MKLN1: variants seen among roughly 807,000 people sequenced by gnomAD.
MKLN1 encodes the protein muskelin 1.
In MKLN1, 18 loss-of-function variants were observed where a neutral mutation model predicts 99.0. The observed-to-expected ratio is 0.18, with a 90% confidence interval of 0.13 to 0.27. The LOEUF is 0.27. Ranked by LOEUF, MKLN1 falls within the 10% of genes least tolerant of loss-of-function variation. The pLI is 1.00. For missense variants in MKLN1, 621 were observed against 875.9 expected (o/e 0.71, Z 3.67); for synonymous variants, 288 against 293.2 (o/e 0.98, Z 0.18).
At chr7:131,112,489 C>T (rs1795215990) in intron 1 of MKLN1, among the ~76,000 whole-genome samples, 1 of 152,206 alleles carries the variant, frequency 6.6e-6, no homozygotes, top group Non-Finnish European at 1.5e-5. Flanking sequence ...TACTTAGTCT[C>T]TCCCTGCCTC....
intron 3 of MKLN1, among the ~76,000 whole-genome samples, chr7:131,270,169 G>T (rs541296825): frequency 6.6e-6 from 1 of 151,910 alleles, no homozygotes; most frequent in Non-Finnish European, 1.5e-5. Context: ...TGATCCACCC[G>T]CCTCGGCCTC....
chr7:131,437,744 C>G, intron 9 of MKLN1, 41 bp from the exon 10 acceptor site: 1 of 1,413,730 alleles, frequency 7.1e-7, no homozygotes, highest in South Asian at 1.2e-5. Context: ...TTTTTTTGCT[C>G]TTTATTTGTT....
intron 8 of MKLN1, among the ~76,000 whole-genome samples, chr7:131,418,192 A>T (rs1795079841): frequency 6.6e-6 from 1 of 151,826 alleles, no homozygotes; most frequent in African/African-American, 2.4e-5. Context: ...AACATGGTAA[A>T]ACCCCATCTC....
At chr7:131,376,391 C>T (rs1793666602) in intron 2 of MKLN1, among the ~76,000 whole-genome samples, 3 of 148,258 alleles carry the variant, frequency 2.0e-5, no homozygotes, top group Admixed American at 2.0e-4. Context: ...TGCGTGTAAT[C>T]CCAGCACTTT....
At chr7:131,199,352 G>A (rs1017504897) in intron 2 of MKLN1, among the ~76,000 whole-genome samples, 8 of 151,498 alleles carry the variant, frequency 5.3e-5, no homozygotes, top group African/African-American at 1.9e-4. Context: ...CGAAATCCTG[G>A]GCTCAAGCAA....
rs1475335280 is a variant in MKLN1 at position 131,143,539 on chromosome 7, T to C, written c.-297+598T>C. Reference sequence around the variant, plus strand: ...GTGACTTCACATAGAGAAAAGTGGATTTTTGGCTGGGCACAGTAGCTCATG... The same window carrying C: ...GTGACTTCACATAGAGAAAAGTGGACTTTTGGCTGGGCACAGTAGCTCATG... On this transcript the variant is annotated intron_variant, in intron 2 of 7. Transcript: ENST00000416992. Among the ~76,000 whole-genome samples the C allele has an allele frequency of 3.3e-5, 5 of 152,258 alleles. 1 individual carries two copies. The South Asian group carries it at 1.0e-3, about 32-fold the overall frequency.
At chr7:131,224,916 A>AC (rs1368594117) in intron 3 of MKLN1, among the ~76,000 whole-genome samples, 2 of 151,920 alleles carry the variant, frequency 1.3e-5, no homozygotes, top group African/African-American at 4.8e-5. Flanking sequence ...TACTAAAAAT[A>AC]CAAAAAATTA....
intron 12 of MKLN1, among the ~76,000 whole-genome samples, chr7:131,451,001 C>T (rs1434957077): frequency 6.6e-6 from 1 of 152,222 alleles, no homozygotes; most frequent in African/African-American, 2.4e-5. Context: ...CTAAATTAGA[C>T]TGTTCAGAAA....
At chr7:131,335,257 A>G (rs945207517) in intron 1 of MKLN1, among the ~76,000 whole-genome samples, 1 of 152,214 alleles carries the variant, frequency 6.6e-6, no homozygotes, top group Non-Finnish European at 1.5e-5. Flanking sequence ...AAAATCTGTG[A>G]AGTCAAAGTA....
At chr7:131,354,268 C>T (rs1272391807) in intron 1 of MKLN1, among the ~76,000 whole-genome samples, 2 of 151,660 alleles carry the variant, frequency 1.3e-5, no homozygotes, top group African/African-American at 2.4e-5. Context: ...CACAATATGT[C>T]TTCCATTTAT....
intron 4 of MKLN1, among the ~76,000 whole-genome samples, chr7:131,396,546 A>G (rs1038762809): frequency 3.3e-5 from 5 of 152,166 alleles, no homozygotes; most frequent in Non-Finnish European, 7.3e-5. Context: ...GTATTTTCCC[A>G]GTAGGTTTAA....
At chr7:131,167,624 A>G (rs1313325884) in intron 2 of MKLN1, among the ~76,000 whole-genome samples, 1 of 150,776 alleles carries the variant, frequency 6.6e-6, no homozygotes, top group Non-Finnish European at 1.5e-5. Context: ...GTGAGCTGTT[A>G]TGGGACCACT....
Position 131,388,985 on chromosome 7 carries a change from CA to C in MKLN1, c.400+14del. The C allele has an allele frequency of 6.4e-7, 1 of 1,556,398 alleles. No individual in the cohort carries two copies. The highest frequency in any genetic ancestry group is 1.1e-5 in the South Asian group (1 of 87,024). On this transcript the variant is annotated intron_variant, in intron 4 of 17. Coordinates refer to ENST00000352689, the MANE Select transcript of MKLN1 (RefSeq NM_013255.5). Reference sequence around the variant, plus strand: ...TTCATTAAAATAGGTAAGATTTTAGCATTCTGAAATAGAAACAAATTCTTGA... The same window carrying C: ...TTCATTAAAATAGGTAAGATTTTAGCTTCTGAAATAGAAACAAATTCTTGA...
chr7:131,389,039 T>A, intron 4 of MKLN1, 67 bp downstream of exon 4: 1 of 1,003,562 alleles, frequency 1.0e-6, no homozygotes, highest in Non-Finnish European at 1.5e-6. Context: ...CTATAGCCCA[T>A]AGACCAAATC....
At chr7:131,368,208 A>G (rs1211409050) in intron 1 of MKLN1, among the ~76,000 whole-genome samples, 1 of 152,222 alleles carries the variant, frequency 6.6e-6, no homozygotes, top group African/African-American at 2.4e-5. Context: ...CATAGGAGGA[A>G]GAATTAAAAA....
At chr7:131,468,166 G>T (rs943473607) in intron 15 of MKLN1, among the ~76,000 whole-genome samples, 1 of 152,204 alleles carries the variant, frequency 6.6e-6, no homozygotes, top group Non-Finnish European at 1.5e-5. Flanking sequence ...TTTCTTGATG[G>T]ATTTGATATG....
chr7:131,386,203 G>A (rs1338040864), intron 2 of MKLN1, among the ~76,000 whole-genome samples: 1 of 151,984 alleles, frequency 6.6e-6, no homozygotes, highest in African/African-American at 2.4e-5. Context: ...TAGTAAAAAC[G>A]GGGTTTCACC....
intron 3 of MKLN1, among the ~76,000 whole-genome samples, chr7:131,215,799 C>A (rs1271969927): frequency 6.6e-6 from 1 of 152,128 alleles, no homozygotes; most frequent in Non-Finnish European, 1.5e-5. Context: ...ATCCAGTTTC[C>A]TGTCTGTGTC....
chr7:131,417,435 T>G (rs970026758), intron 8 of MKLN1, among the ~76,000 whole-genome samples: 1 of 152,190 alleles, frequency 6.6e-6, no homozygotes, highest in Non-Finnish European at 1.5e-5. Flanking sequence ...TTTTCAGCCT[T>G]TAAAAGAAAT....
Sources: gnomAD v4.1 joint callset for allele counts (sites outside exome capture counted in the v4.1 genomes callset) on GRCh38, gnomAD v4.1.1 for gene constraint, MANE v1.5 for transcripts, NCBI Gene and HGNC (gene_info 2026-07-23, HGNC 2026-07-21) for gene names.